LSAMP: variants seen among roughly 807,000 people sequenced by gnomAD.
LSAMP encodes the protein limbic system-associated membrane protein.
LSAMP carries 7 observed loss-of-function variants against 38.6 expected under a neutral mutation model. That is an observed-to-expected ratio of 0.18 (90% CI 0.10 to 0.34). The LOEUF (loss-of-function observed/expected upper bound fraction) is 0.34. Among genes scored for constraint, LSAMP ranks in the 10% least tolerant of loss-of-function variants. The probability of loss-of-function intolerance (pLI) is 1.00; values close to 1 mark genes in which losing one functional copy is unlikely to be tolerated. For synonymous variants in LSAMP, 154 were observed against 166.8 expected (o/e 0.92, Z 0.59); for missense variants, 313 against 420.0 (o/e 0.75, Z 2.23).
intron 1 of LSAMP, among the ~76,000 whole-genome samples, chr3:116,139,295 C>T (rs567426263): frequency 2.0e-4 from 30 of 152,050 alleles, no homozygotes; most frequent in African/African-American, 7.0e-4. Context: ...TGCCTTTAAA[C>T]TTATTTTGAT....
chr3:116,366,563 C>G lies in LSAMP; in HGVS notation c.155+78314G>C, dbSNP rs141875131. Among the ~76,000 whole-genome samples, 810 of 152,234 alleles carry G rather than the reference C, an allele frequency of 5.3e-3. 4 individuals carry two copies. Among genetic ancestry groups the G allele is most frequent in the South Asian group, 0.01 (50 of 4,816 alleles). The stretch of plus-strand genomic sequence containing the variant: ...ATATTTACATGAATGAATAAAAGGT[C>G]TCAGTGAGCATGGAGGAAAGCATCT... On this transcript the variant is annotated intron_variant, in intron 1 of 6. Coordinates refer to ENST00000490035, the MANE Select transcript of LSAMP (RefSeq NM_002338.5).
intron 1 of LSAMP, among the ~76,000 whole-genome samples, chr3:116,380,062 A>C (rs1169698991): frequency 1.3e-5 from 2 of 152,222 alleles, no homozygotes; most frequent in Admixed American, 1.3e-4. Flanking sequence ...AGATGCAGGC[A>C]GACCATGGTT....
intron 6 of LSAMP, among the ~76,000 whole-genome samples, chr3:115,837,512 A>G (rs536110836): frequency 6.6e-6 from 1 of 152,298 alleles, no homozygotes; most frequent in Admixed American, 6.5e-5. Flanking sequence ...AACATGCCAA[A>G]GAGAAGCCAA....
chr3:115,892,017 C>A (rs533557136), intron 3 of LSAMP, among the ~76,000 whole-genome samples: 1 of 151,966 alleles, frequency 6.6e-6, no homozygotes, highest in African/African-American at 2.4e-5. Context: ...ATTGCAGGAA[C>A]AAAGGTTGTA....
chr3:116,321,465 C>T (rs1410023400), intron 1 of LSAMP, among the ~76,000 whole-genome samples: 1 of 152,172 alleles, frequency 6.6e-6, no homozygotes, highest in African/African-American at 2.4e-5. Flanking sequence ...TTAGTGCTTA[C>T]CATGTGCCAA....
intron 1 of LSAMP, among the ~76,000 whole-genome samples, chr3:116,438,169 C>T (rs1315037853): frequency 1.3e-5 from 2 of 151,284 alleles, no homozygotes; most frequent in Non-Finnish European, 2.9e-5. Context: ...ATAAAAACAT[C>T]GTAGTGCAAA....
chr3:115,826,258 G>T (rs1483930704), intron 6 of LSAMP, among the ~76,000 whole-genome samples: 3 of 152,070 alleles, frequency 2.0e-5, no homozygotes, highest in East Asian at 1.9e-4. Flanking sequence ...GGGACTACAG[G>T]CACCTGCCAC....
At chr3:116,016,455 T>G (rs1417104063) in intron 3 of LSAMP, among the ~76,000 whole-genome samples, 1 of 152,134 alleles carries the variant, frequency 6.6e-6, no homozygotes, top group Non-Finnish European at 1.5e-5. Flanking sequence ...TGTAGAAGAG[T>G]AAAGTTGTTT....
At chr3:116,442,232 A>C (rs1230596876) in intron 1 of LSAMP, among the ~76,000 whole-genome samples, 7 of 152,130 alleles carry the variant, frequency 4.6e-5, no homozygotes, top group Admixed American at 3.9e-4. Flanking sequence ...TTGGGGACAG[A>C]CAGCCAAACT....
intron 1 of LSAMP, among the ~76,000 whole-genome samples, chr3:116,332,490 T>C (rs2047864173): frequency 6.6e-6 from 1 of 151,916 alleles, no homozygotes; most frequent in Admixed American, 6.6e-5. Flanking sequence ...CTATAGAATA[T>C]GCACAAAAGA....
intron 2 of LSAMP, among the ~76,000 whole-genome samples, chr3:116,042,693 G>T (rs1430056850): frequency 6.6e-6 from 1 of 152,182 alleles, no homozygotes; most frequent in African/African-American, 2.4e-5. Flanking sequence ...CTCCCAAAGT[G>T]CTGGGATTAC....
At chr3:115,985,793 G>T in intron 3 of LSAMP, among the ~76,000 whole-genome samples, 1 of 152,182 alleles carries the variant, frequency 6.6e-6, no homozygotes. Flanking sequence ...GAACTTGGAA[G>T]TAGACTCTCA....
chr3:116,360,151 C>A (rs375655191), intron 1 of LSAMP: 1 of 143,412 alleles, frequency 7.0e-6, no homozygotes, highest in Non-Finnish European at 1.5e-5. Context: ...AGTGTGTGTG[C>A]GCACCGTGCG....
chr3:115,804,819 A>G lies in LSAMP; in HGVS notation c.*5498T>C, dbSNP rs972438384. The G allele has an allele frequency of 6.6e-6, 1 of 152,180 alleles. No homozygotes were observed. The allele number at this position is 152,180 out of a possible 1,614,324, so 9.4% of individuals were successfully genotyped here. On this transcript the variant is annotated 3_prime_UTR_variant, in exon 7 of 7. Transcript: ENST00000490035. ...ACATGCCTGAGAAAGATAACTCCCA[A>G]TTAAAAATGATTCAGTCCCTCACTT... is the stretch of plus-strand genomic sequence containing the variant.
chr3:116,357,394 T>C (rs1188041208), intron 1 of LSAMP, among the ~76,000 whole-genome samples: 3 of 152,178 alleles, frequency 2.0e-5, no homozygotes, highest in Non-Finnish European at 2.9e-5. Context: ...TTTTGTGAAA[T>C]TGTTGAAGAC....
At chr3:115,974,773 T>C (rs529929331) in intron 3 of LSAMP, among the ~76,000 whole-genome samples, 1 of 152,274 alleles carries the variant, frequency 6.6e-6, no homozygotes, top group South Asian at 2.1e-4. Context: ...ATTAACAGTG[T>C]GGAGTTTTTT....
At chr3:115,817,475 C>T (rs1236788200) in intron 6 of LSAMP, among the ~76,000 whole-genome samples, 1 of 152,136 alleles carries the variant, frequency 6.6e-6, no homozygotes, top group Non-Finnish European at 1.5e-5. Context: ...ATAAATAAGT[C>T]TCAGGGTCGG....
chr3:116,202,178 C>T (rs1048688463), intron 1 of LSAMP, among the ~76,000 whole-genome samples: 1 of 151,710 alleles, frequency 6.6e-6, no homozygotes, highest in African/African-American at 2.4e-5. Context: ...CTCTGTTGCC[C>T]AGGCTGGAGT....
intron 1 of LSAMP, among the ~76,000 whole-genome samples, chr3:116,119,537 C>T (rs1464924680): frequency 1.3e-5 from 2 of 151,848 alleles, no homozygotes; most frequent in Non-Finnish European, 1.5e-5. Context: ...AAAATATATA[C>T]CATGAATACT....
Sources: gnomAD v4.1 joint callset for allele counts (sites outside exome capture counted in the v4.1 genomes callset) on GRCh38, gnomAD v4.1.1 for gene constraint, MANE v1.5 for transcripts, NCBI Gene and HGNC (gene_info 2026-07-23, HGNC 2026-07-21) for gene names.